MAGI1: variants seen among roughly 807,000 people sequenced by gnomAD.
The protein encoded by MAGI1 is membrane-associated guanylate kinase, WW and PDZ domain-containing protein 1.
MAGI1 carries 58 observed loss-of-function variants against 139.9 expected under a neutral mutation model. The observed-to-expected ratio is 0.41, with a 90% CI of 0.34 to 0.52. MAGI1 has a LOEUF of 0.52. Among genes scored for constraint, MAGI1 ranks in the 20% least tolerant of loss-of-function variants. MAGI1 has a pLI of 0.12. For synonymous variants in MAGI1, 812 were observed against 737.9 expected (o/e 1.10, Z -1.63); for missense variants, 1,874 against 1,901.6 (o/e 0.99, Z 0.27).
intron 1 of MAGI1, among the ~76,000 whole-genome samples, chr3:65,870,203 T>C (rs1292301911): frequency 6.6e-6 from 1 of 152,150 alleles, no homozygotes; most frequent in Non-Finnish European, 1.5e-5. Context: ...CTGAACTTAA[T>C]TTAATAGGCT....
At chr3:65,954,304 T>C (rs2064006586) in intron 1 of MAGI1, 1 of 152,468 alleles carries the variant, frequency 6.6e-6, no homozygotes, top group Non-Finnish European at 1.5e-5. Context: ...ACAGTTTTTT[T>C]CAGAAGCTAT....
At chr3:65,388,531 A>C (rs1246110791) in intron 14 of MAGI1, among the ~76,000 whole-genome samples, 2 of 152,168 alleles carry the variant, frequency 1.3e-5, no homozygotes, top group African/African-American at 4.8e-5. Context: ...ATCTCAGATA[A>C]AGAAAAATAC....
At chr3:65,698,651 G>A (rs543378938) in intron 1 of MAGI1, among the ~76,000 whole-genome samples, 22 of 152,020 alleles carry the variant, frequency 1.4e-4, no homozygotes, top group South Asian at 6.2e-4. Flanking sequence ...AATAAATGGC[G>A]CTGGGAAAAC....
chr3:65,782,613 C>CAA (rs56367932), intron 1 of MAGI1, among the ~76,000 whole-genome samples: 6 of 60,542 alleles, frequency 9.9e-5, no homozygotes, highest in Non-Finnish European at 1.5e-4. Context: ...ATTTCTTAAG[C>CAA]AAAAAAAAAA....
chr3:65,686,296 T>G (rs2088022752), intron 1 of MAGI1, among the ~76,000 whole-genome samples: 1 of 151,408 alleles, frequency 6.6e-6, no homozygotes, highest in South Asian at 2.1e-4. Flanking sequence ...TGTTTTTTTG[T>G]TTGTTTGTTT....
chr3:65,875,219 G>T (rs2060072170), intron 1 of MAGI1, among the ~76,000 whole-genome samples: 1 of 152,222 alleles, frequency 6.6e-6, no homozygotes, highest in Admixed American at 6.5e-5. Flanking sequence ...AAACAGATTT[G>T]TAGCTGCCTA....
chr3:65,667,165 T>C (rs1043855307), intron 1 of MAGI1, among the ~76,000 whole-genome samples: 4 of 152,214 alleles, frequency 2.6e-5, no homozygotes, highest in African/African-American at 9.7e-5. Context: ...AATTATTTGA[T>C]GCCATGAGGA....
At chr3:65,695,280 C>T (rs972491654) in intron 1 of MAGI1, among the ~76,000 whole-genome samples, 2 of 152,152 alleles carry the variant, frequency 1.3e-5, no homozygotes, top group East Asian at 1.9e-4. Flanking sequence ...GGACAAAGTT[C>T]GGCCTGATTC....
intron 1 of MAGI1, among the ~76,000 whole-genome samples, chr3:65,826,648 A>T (rs976842898): frequency 3.3e-5 from 5 of 152,222 alleles, no homozygotes; most frequent in Non-Finnish European, 1.5e-5. Flanking sequence ...GACCAGCCTG[A>T]CATTTATCAG....
At chr3:65,678,785 G>A (rs147331333) in intron 1 of MAGI1, among the ~76,000 whole-genome samples, 1 of 152,246 alleles carries the variant, frequency 6.6e-6, no homozygotes, top group African/African-American at 2.4e-5. Flanking sequence ...GTCATTTGGC[G>A]TGACATCTCT....
intron 2 of MAGI1, among the ~76,000 whole-genome samples, chr3:65,564,401 C>T (rs1374116109): frequency 6.6e-6 from 1 of 152,060 alleles, no homozygotes; most frequent in African/African-American, 2.4e-5. Context: ...ATATCTAATT[C>T]TGATTTTTCT....
rs2038688571 is a variant in MAGI1, at chr3:65,778,758, C to T, written c.314-156670G>A. On this transcript the variant is annotated intron_variant, in intron 1 of 22. Coordinates refer to ENST00000402939, the MANE Select transcript of MAGI1 (RefSeq NM_001033057.2). ...AAATACTAAGATGACTGAAGCCAGTCAAAATGTGTCTTCACTTTTAATGAC... is the reference window on the plus strand; with the variant it reads ...AAATACTAAGATGACTGAAGCCAGTTAAAATGTGTCTTCACTTTTAATGAC... Among the ~76,000 whole-genome samples the T allele has an allele frequency of 2.0e-5, 3 of 152,172 alleles. No individual in the cohort carries two copies. The South Asian group carries it at 6.2e-4, about 31-fold the overall frequency.
chr3:65,733,444 T>A (rs2034398851), intron 1 of MAGI1, among the ~76,000 whole-genome samples: 1 of 152,210 alleles, frequency 6.6e-6, no homozygotes, highest in Admixed American at 6.5e-5. Flanking sequence ...CTCAAAACAC[T>A]GTAATAAGAA....
intron 1 of MAGI1, among the ~76,000 whole-genome samples, chr3:65,744,473 A>C (rs2035529024): frequency 6.6e-6 from 1 of 152,244 alleles, no homozygotes; most frequent in East Asian, 1.9e-4. Context: ...AGGCTGAGAA[A>C]GATTATAGTG....
At chr3:65,959,728 G>C (rs141502906) in intron 1 of MAGI1, among the ~76,000 whole-genome samples, 6,792 of 146,444 alleles carry the variant, frequency 0.046, 485 homozygotes, top group African/African-American at 0.16. Context: ...GCCTCCCAAA[G>C]TGCTGGGATT....
At chr3:65,924,702 A>C (rs1416361309) in intron 1 of MAGI1, among the ~76,000 whole-genome samples, 1 of 151,988 alleles carries the variant, frequency 6.6e-6, no homozygotes, top group Non-Finnish European at 1.5e-5. Flanking sequence ...CGGTTAGGAA[A>C]CCCCACATCC....
chr3:65,785,080 T>G (rs1038985093), intron 1 of MAGI1, among the ~76,000 whole-genome samples: 1 of 152,198 alleles, frequency 6.6e-6, no homozygotes, highest in South Asian at 2.1e-4. Flanking sequence ...AATACTAAAT[T>G]GTACATGTTA....
intron 1 of MAGI1, among the ~76,000 whole-genome samples, chr3:65,855,121 G>T (rs1446984293): frequency 1.3e-5 from 2 of 152,046 alleles, no homozygotes; most frequent in Non-Finnish European, 2.9e-5. Flanking sequence ...GGGGGGCGGG[G>T]GTGAGTTTAC....
chr3:65,585,082 T>A (rs1428689327), intron 2 of MAGI1, among the ~76,000 whole-genome samples: 1 of 152,226 alleles, frequency 6.6e-6, no homozygotes, highest in Admixed American at 6.5e-5. Flanking sequence ...CCTAACAACA[T>A]CAGCAATTAG....
Sources: allele counts gnomAD v4.1 joint callset (sites outside exome capture counted in the v4.1 genomes callset), GRCh38; gene constraint gnomAD v4.1.1; transcripts MANE v1.5; gene names NCBI Gene and HGNC (gene_info 2026-07-23, HGNC 2026-07-21).